Variants in SCTR observed in about 807,000 individuals in gnomAD.
SCTR encodes secretin receptor.
Under a neutral mutation model 60.8 loss-of-function variants are expected in SCTR, and 56 were observed. The observed-to-expected ratio is 0.92, with a 90% CI of 0.74 to 1.15. SCTR has a LOEUF of 1.15. Ranked by LOEUF, SCTR falls within the 50% of genes most tolerant of loss-of-function variation. The pLI, the probability that SCTR is intolerant of heterozygous loss-of-function variation, is 0.00. For synonymous variants in SCTR, 202 were observed against 217.0 expected, an observed-to-expected ratio of 0.93 and a Z score of 0.61; for missense variants, 562 against 550.4, an observed-to-expected ratio of 1.02 and a Z score of -0.21.
At chr2:119,482,662 C>G (rs1015510244) in intron 2 of SCTR, among the ~76,000 whole-genome samples, 2 of 152,232 alleles carry the variant, frequency 1.3e-5, no homozygotes, top group Non-Finnish European at 2.9e-5. Context: ...GGCTGCCCGT[C>G]TACATTCCAG....
chr2:119,522,308 AAAAAAG>A (rs908020101), intron 1 of SCTR, among the ~76,000 whole-genome samples: 2 of 152,084 alleles, frequency 1.3e-5, no homozygotes, highest in African/African-American at 4.8e-5. Flanking sequence ...AAAGAAAAAA[AAAAAAG>A]AAAAAGAAAA....
At chr2:119,502,643 T>C (rs1480981667) in intron 1 of SCTR, among the ~76,000 whole-genome samples, 1 of 152,050 alleles carries the variant, frequency 6.6e-6, no homozygotes, top group Non-Finnish European at 1.5e-5. Context: ...TATAGGTCAA[T>C]GGATAAACAG....
chr2:119,524,102 G>A, intron 1 of SCTR, 53 bp downstream of exon 1: 1 of 1,430,994 alleles, frequency 7.0e-7, no homozygotes, highest in Non-Finnish European at 9.6e-7. Context: ...CGGAGAAAGG[G>A]CGAGACTGTC....
chr2:119,492,472 T>C (rs1213313698), intron 2 of SCTR, among the ~76,000 whole-genome samples: 2 of 152,258 alleles, frequency 1.3e-5, no homozygotes, highest in African/African-American at 4.8e-5. Context: ...GAGGCCTTGT[T>C]CAAGATCAGT....
rs1163319609 is a variant in SCTR at position 119,512,659 on chromosome 2, A to C, written c.72+11496T>G. On this transcript the variant is annotated intron_variant, in intron 1 of 12. Transcript: ENST00000019103. ...TGATCAACCCTCCTCAGCCTCCCAA[A>C]ATGCTGGGATTACAGGCGTGAGCCA... Among the ~76,000 whole-genome samples the C allele has an allele frequency of 3.3e-5, 5 of 152,088 alleles. No individual in the cohort carries two copies. In the East Asian group the frequency reaches 9.6e-4, roughly 29 times the overall value.
rs201710596 is a variant in SCTR at position 119,441,581 on chromosome 2, G to T, written c.1159C>A (p.Leu387Ile). Reference protein sequence around the residue: ...GSFQGLVVAVLYCFLNGEVQL... With the variant: ...GSFQGLVVAVIYCFLNGEVQL... ...ACCTCCCCATTGAGGAAGCAGTAGA[G>T]GACGGCCACCACCAGTCCCTGCCAG... Residue 387 changes from leucine to isoleucine, a missense_variant, in exon 12 of 13, where the codon CTC (leucine) becomes ATC (isoleucine). Coordinates refer to ENST00000019103, the MANE Select transcript of SCTR (RefSeq NM_002980.3). The T allele has an allele frequency of 6.2e-7, 1 of 1,613,148 alleles. No homozygotes were observed. The highest frequency in any genetic ancestry group is 2.2e-5 in the East Asian group (1 of 44,860).
intron 1 of SCTR, among the ~76,000 whole-genome samples, chr2:119,519,504 G>A (rs911180311): frequency 6.6e-6 from 1 of 152,140 alleles, no homozygotes; most frequent in African/African-American, 2.4e-5. Context: ...CTCTTTTGGA[G>A]CAGATGCATG....
At chr2:119,507,744 T>A (rs1026679524) in intron 1 of SCTR, among the ~76,000 whole-genome samples, 1 of 143,102 alleles carries the variant, frequency 7.0e-6, no homozygotes, top group Non-Finnish European at 1.5e-5. Context: ...AGTGGCACGA[T>A]CTTGGCTCAC....
intron 2 of SCTR, among the ~76,000 whole-genome samples, chr2:119,492,325 G>T (rs1282040016): frequency 6.6e-6 from 1 of 152,186 alleles, no homozygotes; most frequent in African/African-American, 2.4e-5. Context: ...ACTGCAAAAC[G>T]CATTCCTAAG....
intron 1 of SCTR, among the ~76,000 whole-genome samples, chr2:119,510,472 C>A (rs1678896785): frequency 6.6e-6 from 1 of 152,064 alleles, no homozygotes; most frequent in Non-Finnish European, 1.5e-5. Context: ...TTGGAGCAAC[C>A]ACCCAGAAGA....
At chr2:119,445,465 A>G (rs1030268207) in intron 11 of SCTR, among the ~76,000 whole-genome samples, 1 of 152,194 alleles carries the variant, frequency 6.6e-6, no homozygotes, top group African/African-American at 2.4e-5. Flanking sequence ...GGGTAGGGCA[A>G]GACCTGACTC....
intron 7 of SCTR, among the ~76,000 whole-genome samples, chr2:119,455,600 C>T (rs543071342): frequency 4.1e-4 from 62 of 152,172 alleles, no homozygotes; most frequent in Middle Eastern, 6.8e-3. Context: ...GGCTTAGGAA[C>T]GGAGCATATG....
intron 1 of SCTR, among the ~76,000 whole-genome samples, chr2:119,510,553 T>C (rs1010149524): frequency 2.6e-5 from 4 of 152,180 alleles, no homozygotes; most frequent in Non-Finnish European, 4.4e-5. Flanking sequence ...GGCTGACATT[T>C]AGTAGCTATA....
At chr2:119,471,520 T>C (rs1677010487) in intron 4 of SCTR, among the ~76,000 whole-genome samples, 1 of 152,184 alleles carries the variant, frequency 6.6e-6, no homozygotes, top group African/African-American at 2.4e-5. Context: ...CTTGCCTTCC[T>C]CCACATAGAG....
intron 2 of SCTR, chr2:119,479,274 T>C (rs1677488084): frequency 9.8e-7 from 1 of 1,020,772 alleles, no homozygotes; most frequent in African/African-American, 1.7e-5. Context: ...ATTAAACAAC[T>C]AAGCAGCAAT....
chr2:119,479,037 C>T (rs72834805), intron 2 of SCTR, 119 bp from the exon 3 acceptor site: 39,962 of 1,509,148 alleles, frequency 0.026, 706 homozygotes, highest in South Asian at 0.062. Context: ...ACTTTCAAAG[C>T]TCTCATTAGG....
chr2:119,493,043 GATGGGGTTTCACC>G (rs914219098), intron 2 of SCTR, among the ~76,000 whole-genome samples: 3 of 152,108 alleles, frequency 2.0e-5, no homozygotes, highest in Admixed American at 2.0e-4. Context: ...TTTTAATAGA[GATGGGGTTTCACC>G]ATGTTGGCCA....
intron 1 of SCTR, among the ~76,000 whole-genome samples, chr2:119,515,126 C>T (rs1679072938): frequency 6.6e-6 from 1 of 152,220 alleles, no homozygotes; most frequent in Non-Finnish European, 1.5e-5. Flanking sequence ...CTGCCCATCA[C>T]TGGTGACATG....
intron 1 of SCTR, among the ~76,000 whole-genome samples, chr2:119,506,640 A>G (rs1392053024): frequency 6.6e-6 from 1 of 151,950 alleles, no homozygotes; most frequent in Non-Finnish European, 1.5e-5. Flanking sequence ...TGCCATAGCC[A>G]GGCTAATTTT....
Sources: gnomAD v4.1 joint callset for allele counts (sites outside exome capture counted in the v4.1 genomes callset) on GRCh38, gnomAD v4.1.1 for gene constraint, MANE v1.5 for transcripts, NCBI Gene and HGNC (gene_info 2026-07-23, HGNC 2026-07-21) for gene names.